The following DPYD variants were observed in gnomAD, a reference collection of about 807,000 sequenced individuals.
DPYD encodes the protein dihydropyrimidine dehydrogenase [NADP(+)].
A neutral mutation model predicts 116.2 loss-of-function variants in DPYD; 109 were observed. The observed-to-expected ratio is 0.94, with a 90% CI of 0.80 to 1.10. The LOEUF is 1.10. DPYD is among the 50% of genes least tolerant of loss of function. The pLI, the probability that DPYD is intolerant of heterozygous loss-of-function variation, is 0.00. For synonymous variants in DPYD, 440 were observed against 432.0 expected (o/e 1.02, Z -0.23); for missense variants, 1,302 against 1,254.5 (o/e 1.04, Z -0.57).
At chr1:97,372,733 ATGACT>A (rs1362072615) in intron 16 of DPYD, among the ~76,000 whole-genome samples, 1 of 152,024 alleles carries the variant, frequency 6.6e-6, no homozygotes, top group African/African-American at 2.4e-5. Context: ...AATCAATTTG[ATGACT>A]TGAGAGAAAA....
intron 18 of DPYD, among the ~76,000 whole-genome samples, chr1:97,289,367 G>A (rs1244994136): frequency 4.6e-5 from 7 of 152,134 alleles, no homozygotes; most frequent in South Asian, 2.1e-4. Flanking sequence ...TACCAAAGCC[G>A]GGCAGAGACA....
intron 3 of DPYD, among the ~76,000 whole-genome samples, chr1:97,743,052 G>A (rs560137226): frequency 1.3e-5 from 2 of 152,120 alleles, no homozygotes; most frequent in South Asian, 2.1e-4. Context: ...GTATTTTTCT[G>A]TTCTTCCAGA....
rs1667003615 is a variant in DPYD, at chr1:97,786,071, A to T, written c.233+42043T>A. The stretch of plus-strand genomic sequence containing the variant: ...TGGGTCAACGATATGCCTCAGCCAA[A>T]TTAAAAAAAAAAAAAAGAAAGAAAA... On this transcript the variant is annotated intron_variant, in intron 3 of 22. Coordinates refer to ENST00000370192, the MANE Select transcript of DPYD (RefSeq NM_000110.4). 2.7e-5 allele frequency among the ~76,000 whole-genome samples: 4 copies of T among 149,334 alleles called. No individual in the cohort carries two copies. The Admixed American group carries it at 2.7e-4, about 10-fold the overall frequency.
At chr1:97,697,065 T>C (rs1661347938) in intron 6 of DPYD, among the ~76,000 whole-genome samples, 1 of 152,114 alleles carries the variant, frequency 6.6e-6, no homozygotes, top group African/African-American at 2.4e-5. Flanking sequence ...GAAAATCTAT[T>C]AGCACTATTT....
At chr1:97,796,461 A>G (rs939666380) in intron 3 of DPYD, among the ~76,000 whole-genome samples, 1 of 152,122 alleles carries the variant, frequency 6.6e-6, no homozygotes, top group Non-Finnish European at 1.5e-5. Context: ...TTAGTCCTTT[A>G]TATCTTTGAT....
At chr1:97,767,483 T>A (rs532251312) in intron 3 of DPYD, among the ~76,000 whole-genome samples, 830 of 64,352 alleles carry the variant, frequency 0.013, 10 homozygotes, top group African/African-American at 0.033. Context: ...CTCAAGAAAC[T>A]CTGCATGTTC....
chr1:97,257,776 G>A (rs1663600283), intron 18 of DPYD, among the ~76,000 whole-genome samples: 1 of 152,004 alleles, frequency 6.6e-6, no homozygotes, highest in South Asian at 2.1e-4. Flanking sequence ...CAGCTATTAT[G>A]TTTGGAGCTG....
chr1:97,633,205 T>A (rs148150631), intron 8 of DPYD, among the ~76,000 whole-genome samples: 1 of 152,132 alleles, frequency 6.6e-6, no homozygotes, highest in Non-Finnish European at 1.5e-5. Context: ...CAATAAGTTA[T>A]ATTCAATAAG....
rs116196462 is a variant in DPYD at position 97,918,055 on chromosome 1, G to A, written c.39+2829C>T. Among the ~76,000 whole-genome samples the A allele has an allele frequency of 6.2e-3, 936 of 152,132 alleles. 8 individuals carry two copies. The highest frequency in any genetic ancestry group is 0.021 in the African/African-American group (885 of 41,504). On this transcript the variant is annotated intron_variant, in intron 1 of 22. Coordinates refer to ENST00000370192, the MANE Select transcript of DPYD (RefSeq NM_000110.4). Reference sequence around the variant, plus strand: ...GAGAGTTTGTATTAAAGTCATCGTTGACAAAATTCAGACTGTATCCAAACA... The same window carrying A: ...GAGAGTTTGTATTAAAGTCATCGTTAACAAAATTCAGACTGTATCCAAACA...
intron 12 of DPYD, among the ~76,000 whole-genome samples, chr1:97,540,728 G>A (rs943199510): frequency 2.0e-4 from 30 of 152,170 alleles, no homozygotes; most frequent in African/African-American, 7.2e-4. Context: ...CTCCCCGGAG[G>A]TTGGGGAGCA....
chr1:97,379,272 G>A (rs1197014980), intron 15 of DPYD, among the ~76,000 whole-genome samples: 1 of 152,182 alleles, frequency 6.6e-6, no homozygotes, highest in African/African-American at 2.4e-5. Context: ...GAGGCAGGCA[G>A]GGCAGGGGCC....
chr1:97,445,171 C>G (rs1676007413), intron 14 of DPYD, among the ~76,000 whole-genome samples: 1 of 152,182 alleles, frequency 6.6e-6, no homozygotes, highest in South Asian at 2.1e-4. Context: ...CTTCCACAGT[C>G]ATAACTACAG....
chr1:97,533,704 C>T (rs187679808), intron 12 of DPYD, among the ~76,000 whole-genome samples: 1 of 152,240 alleles, frequency 6.6e-6, no homozygotes, highest in Non-Finnish European at 1.5e-5. Flanking sequence ...AATTGTAAGT[C>T]AACAACATAT....
chr1:97,769,620 G>A (rs957850785), intron 3 of DPYD, among the ~76,000 whole-genome samples: 2 of 152,148 alleles, frequency 1.3e-5, no homozygotes, highest in Non-Finnish European at 2.9e-5. Context: ...AGTGAAATGT[G>A]AAGTTGATTT....
At chr1:97,195,634 G>GTGTATA (rs1557929544) in intron 19 of DPYD, among the ~76,000 whole-genome samples, 2 of 57,722 alleles carry the variant, frequency 3.5e-5, no homozygotes, top group African/African-American at 1.3e-4. Context: ...ATATGTATGT[G>GTGTATA]TATATATATA....
At chr1:97,365,714 G>A (rs761367413) in intron 16 of DPYD, among the ~76,000 whole-genome samples, 3 of 152,024 alleles carry the variant, frequency 2.0e-5, no homozygotes, top group East Asian at 1.9e-4. Context: ...CGCAACCTCC[G>A]TCTCTCAGGC....
chr1:97,238,008 G>T (rs1331099657), intron 18 of DPYD, among the ~76,000 whole-genome samples: 1 of 151,948 alleles, frequency 6.6e-6, no homozygotes, highest in African/African-American at 2.4e-5. Flanking sequence ...GACATAAAAA[G>T]GCAACACAGC....
At chr1:97,459,526 G>C (rs182198061) in intron 13 of DPYD, among the ~76,000 whole-genome samples, 1 of 152,126 alleles carries the variant, frequency 6.6e-6, no homozygotes, top group East Asian at 1.9e-4. Flanking sequence ...AAAATAACCA[G>C]AGGAAAAAAA....
chr1:97,323,108 T>C (rs1253244138), intron 16 of DPYD, among the ~76,000 whole-genome samples: 7 of 150,640 alleles, frequency 4.6e-5, no homozygotes, highest in Non-Finnish European at 7.4e-5. Context: ...ATTTTTTATA[T>C]ATATATGCAT....
Sources: allele counts gnomAD v4.1 joint callset (sites outside exome capture counted in the v4.1 genomes callset), GRCh38; gene constraint gnomAD v4.1.1; transcripts MANE v1.5; gene names NCBI Gene and HGNC (gene_info 2026-07-23, HGNC 2026-07-21).